The following PDHX variants were observed in gnomAD, a reference collection of about 807,000 sequenced individuals.
PDHX encodes the protein pyruvate dehydrogenase protein X component, mitochondrial.
Under a neutral mutation model 55.3 loss-of-function variants are expected in PDHX, and 33 were observed. The ratio of observed to expected loss-of-function variants is 0.60; its 90% confidence interval spans 0.45 to 0.80. The LOEUF is 0.80. Ranked by LOEUF, PDHX falls within the 30% of genes least tolerant of loss-of-function variation. PDHX has a pLI of 0.00. For synonymous variants in PDHX, 226 were observed against 219.4 expected, an observed-to-expected ratio of 1.03 and a Z score of -0.27; for missense variants, 622 against 619.9, an observed-to-expected ratio of 1.00 and a Z score of -0.04.
intron 8 of PDHX, among the ~76,000 whole-genome samples, chr11:34,981,968 G>C (rs909345997): frequency 1.3e-5 from 2 of 152,106 alleles, no homozygotes; most frequent in African/African-American, 4.8e-5. Context: ...TCACTCTGAT[G>C]GTAGTTTCTT....
chr11:34,939,064 C>G (rs927553935), intron 2 of PDHX, among the ~76,000 whole-genome samples: 2 of 152,168 alleles, frequency 1.3e-5, no homozygotes, highest in African/African-American at 2.4e-5. Context: ...TTCATTAACA[C>G]TTATTTACTG....
rs1855230072 is a variant in PDHX, at chr11:34,970,255, T to C, written c.933T>C (p.Ala311=). 5.6e-6 allele frequency: 9 copies of C among 1,613,788 alleles called. No individual in the cohort carries two copies. Among genetic ancestry groups the C allele is most frequent in the Admixed American group, 1.7e-5 (1 of 59,998 alleles). The change falls in exon 7 of 11, where the codon GCT becomes GCC. Residue 311 remains alanine (A), a synonymous_variant. Transcript: ENST00000227868. The part of the protein sequence containing the change: ...AYATADCDLG[A]VLKVRQDLVK... ...CTACTGCTGACTGTGACCTTGGAGC[T>C]GTTTTAAAAGTTAGGCAAGATCTGG...
chr11:34,931,534 T>TTG (rs1565150073), intron 2 of PDHX, 50 bp downstream of exon 2: 1 of 961,358 alleles, frequency 1.0e-6, no homozygotes, highest in Non-Finnish European at 1.6e-6. Context: ...TTTGGTTATT[T>TTG]TGTTTTGTTT....
At chr11:34,952,958 A>G (rs2133968604) in intron 3 of PDHX, among the ~76,000 whole-genome samples, 1 of 152,070 alleles carries the variant, frequency 6.6e-6, no homozygotes, top group Non-Finnish European at 1.5e-5. Flanking sequence ...TCTCAGCCCA[A>G]AATCTCCTTA....
At chr11:34,934,567 AT>A (rs895723686) in intron 2 of PDHX, among the ~76,000 whole-genome samples, 1 of 133,064 alleles carries the variant, frequency 7.5e-6, no homozygotes, top group Non-Finnish European at 1.6e-5. Context: ...TAATGATATT[AT>A]GGATTTTTTT....
At chr11:34,957,349 T>C in intron 3 of PDHX, 35 bp from the exon 4 acceptor site, 1 of 1,390,952 alleles carries the variant, frequency 7.2e-7, no homozygotes, top group South Asian at 1.2e-5. Flanking sequence ...TCATGGGGTT[T>C]TACTTCTCTA....
intron 10 of PDHX, 115 bp from the exon 11 acceptor site, chr11:34,994,799 T>C (rs1168851557): frequency 1.9e-6 from 2 of 1,066,280 alleles, no homozygotes; most frequent in South Asian, 2.6e-5. Context: ...ATTACTCATA[T>C]ATTTTTTTCT....
intron 1 of PDHX, among the ~76,000 whole-genome samples, chr11:34,926,867 A>G (rs1854035283): frequency 1.3e-5 from 2 of 152,252 alleles, no homozygotes; most frequent in Admixed American, 6.5e-5. Flanking sequence ...AAAAATTGGA[A>G]GAGCCCATTT....
At position 34,970,350 on chromosome 11, in the gene PDHX, ATAAAATTATAAAAT is replaced by A. The variant is rs1855231872; in HGVS notation, c.964+70_964+83del. 5.7e-6 allele frequency: 7 copies of A among 1,237,820 alleles called. No homozygotes were observed. In the East Asian group the frequency reaches 1.8e-4, roughly 31 times the overall value. The allele number at this position is 1,237,820 out of a possible 1,614,324, so 76.7% of individuals were successfully genotyped here. ...TAACTTAACTTTCATGAAATCCTTT[ATAAAATTATAAAAT>A]TAAAAGCTACATTGTGTAGCTTTTA... On this transcript the variant is annotated intron_variant, in intron 7 of 10. Coordinates refer to ENST00000227868, the MANE Select transcript of PDHX (RefSeq NM_003477.3).
At chr11:34,992,211 A>AG (rs1855770955) in intron 9 of PDHX, 104 bp from the exon 10 acceptor site, 1 of 686,100 alleles carries the variant, frequency 1.5e-6, no homozygotes, top group Non-Finnish European at 2.7e-6. Flanking sequence ...AATCAAATCA[A>AG]GGCATATCAG....
intron 3 of PDHX, among the ~76,000 whole-genome samples, chr11:34,956,378 A>C (rs1437069521): frequency 6.6e-6 from 1 of 152,164 alleles, no homozygotes; most frequent in African/African-American, 2.4e-5. Flanking sequence ...TCATTCTAGA[A>C]GTTATGCTTT....
intron 3 of PDHX, among the ~76,000 whole-genome samples, chr11:34,950,322 C>G (rs1357231705): frequency 2.0e-5 from 3 of 151,278 alleles, no homozygotes; most frequent in Non-Finnish European, 4.4e-5. Flanking sequence ...AAGATATTCT[C>G]AACTCTAATT....
At chr11:34,992,276 A>C in intron 9 of PDHX, 39 bp from the exon 10 acceptor site, 1 of 1,185,480 alleles carries the variant, frequency 8.4e-7, no homozygotes, top group Non-Finnish European at 1.3e-6. Context: ...ACTGTATAAC[A>C]TTTTGTTGGT....
chr11:34,967,033 G>T (rs1307105932), intron 6 of PDHX, among the ~76,000 whole-genome samples: 1 of 151,874 alleles, frequency 6.6e-6, no homozygotes, highest in African/African-American at 2.4e-5. Context: ...TGTATTTTTA[G>T]TAGAGACGGG....
At chr11:34,983,290 A>G (rs1004149794) in intron 8 of PDHX, among the ~76,000 whole-genome samples, 3 of 152,194 alleles carry the variant, frequency 2.0e-5, no homozygotes, top group African/African-American at 4.8e-5. Context: ...AATAAGACCT[A>G]TTTTTGACAA....
At chr11:34,928,462 C>G (rs925647631) in intron 1 of PDHX, among the ~76,000 whole-genome samples, 18 of 151,056 alleles carry the variant, frequency 1.2e-4, no homozygotes, top group African/African-American at 1.9e-4. Context: ...TGCCCACCCC[C>G]CTCCTTTTTT....
chr11:34,916,939 C>T (rs1178442674), intron 1 of PDHX, 124 bp downstream of exon 1: 7 of 986,226 alleles, frequency 7.1e-6, no homozygotes, highest in Non-Finnish European at 1.1e-5. Flanking sequence ...TCCCTTTCCT[C>T]TTTCTCCGGT....
At chr11:34,984,280 C>G (rs533114564) in intron 8 of PDHX, among the ~76,000 whole-genome samples, 1 of 152,250 alleles carries the variant, frequency 6.6e-6, no homozygotes, top group Non-Finnish European at 1.5e-5. Context: ...TAACTTCTTG[C>G]AATCAGGAAA....
intron 2 of PDHX, among the ~76,000 whole-genome samples, chr11:34,940,746 G>A (rs902462181): frequency 5.9e-5 from 9 of 151,946 alleles, no homozygotes; most frequent in African/African-American, 1.9e-4. Flanking sequence ...TAGACAATCC[G>A]GATCTGTTTT....
Sources: gnomAD v4.1 joint callset for allele counts (sites outside exome capture counted in the v4.1 genomes callset) on GRCh38, gnomAD v4.1.1 for gene constraint, MANE v1.5 for transcripts, NCBI Gene and HGNC (gene_info 2026-07-23, HGNC 2026-07-21) for gene names.